The following NRXN1 variants were observed in gnomAD, a reference collection of about 807,000 sequenced individuals.
The protein encoded by NRXN1 is neurexin 1.
NRXN1 carries 39 observed loss-of-function variants against 150.9 expected under a neutral mutation model. The observed-to-expected ratio is 0.26, with a 90% CI of 0.20 to 0.34. The LOEUF (loss-of-function observed/expected upper bound fraction) is 0.34. NRXN1 is among the 10% of genes least tolerant of loss of function. The probability of loss-of-function intolerance (pLI) is 1.00; values close to 1 mark genes in which losing one functional copy is unlikely to be tolerated. For synonymous variants in NRXN1, 924 were observed against 757.0 expected (o/e 1.22, Z -3.62); for missense variants, 1,815 against 1,949.9 (o/e 0.93, Z 1.30).
chr2:50,287,634 A>T (rs1435325620), intron 17 of NRXN1, among the ~76,000 whole-genome samples: 1 of 152,122 alleles, frequency 6.6e-6, no homozygotes, highest in African/African-American at 2.4e-5. Context: ...TGCAGTCTTC[A>T]TTAGGGTACA....
chr2:50,229,388 C>T (rs1447405557), intron 18 of NRXN1, among the ~76,000 whole-genome samples: 1 of 151,750 alleles, frequency 6.6e-6, no homozygotes, highest in African/African-American at 2.4e-5. Flanking sequence ...GACCCATATT[C>T]AGTATGTATT....
chr2:50,535,106 T>C (rs764417595), intron 10 of NRXN1, among the ~76,000 whole-genome samples: 1 of 152,206 alleles, frequency 6.6e-6, no homozygotes, highest in Non-Finnish European at 1.5e-5. Flanking sequence ...TAATGTTTAA[T>C]TAGACAAGAA....
intron 5 of NRXN1, among the ~76,000 whole-genome samples, chr2:50,815,696 G>A (rs1668831396): frequency 6.6e-6 from 1 of 152,110 alleles, no homozygotes; most frequent in African/African-American, 2.4e-5. Context: ...ATGTATATGT[G>A]TGTATTTTAA....
chr2:50,264,687 T>A (rs564491), intron 17 of NRXN1, among the ~76,000 whole-genome samples: 1 of 151,880 alleles, frequency 6.6e-6, no homozygotes, highest in East Asian at 1.9e-4. Context: ...TCCCCCAGAA[T>A]ATTATAACAC....
At chr2:50,618,871 T>C (rs1280884719) in intron 8 of NRXN1, among the ~76,000 whole-genome samples, 1 of 151,996 alleles carries the variant, frequency 6.6e-6, no homozygotes, top group East Asian at 1.9e-4. Flanking sequence ...TAAAAGTTAC[T>C]TTCTGAAAGG....
intron 5 of NRXN1, among the ~76,000 whole-genome samples, chr2:50,814,623 A>T (rs1182048304): frequency 1.3e-5 from 2 of 152,086 alleles, no homozygotes; most frequent in Non-Finnish European, 2.9e-5. Flanking sequence ...AAATCAACAC[A>T]CTAATTGGAT....
At chr2:50,053,913 T>C (rs1184148188) in intron 20 of NRXN1, among the ~76,000 whole-genome samples, 1 of 152,198 alleles carries the variant, frequency 6.6e-6, no homozygotes, top group Non-Finnish European at 1.5e-5. Context: ...AAAGTCTAAA[T>C]TGTTAAATTT....
chr2:50,745,209 A>G lies in NRXN1; in HGVS notation c.833-121594T>C, dbSNP rs184602191. ...ATAATAGTATCTACATGAAATGACT[A>G]TAGCTAGAATTAAATAAGGCCAGGG... is the stretch of plus-strand genomic sequence containing the variant. On this transcript the variant is annotated intron_variant, in intron 5 of 22. Coordinates refer to ENST00000401669, the MANE Select transcript of NRXN1 (RefSeq NM_001330078.2). 1.9e-3 allele frequency among the ~76,000 whole-genome samples: 292 copies of G among 152,138 alleles called. 1 individual carries two copies. The highest frequency in any genetic ancestry group is 6.8e-3 in the African/African-American group (284 of 41,524).
intron 17 of NRXN1, among the ~76,000 whole-genome samples, chr2:50,374,158 G>C (rs1158572452): frequency 1.3e-5 from 2 of 151,772 alleles, no homozygotes; most frequent in African/African-American, 4.8e-5. Context: ...ATAGCCGGCT[G>C]TAGTGGGGGC....
intron 21 of NRXN1, among the ~76,000 whole-genome samples, chr2:49,982,455 C>A (rs1456815724): frequency 2.1e-5 from 3 of 145,984 alleles, no homozygotes; most frequent in Non-Finnish European, 4.6e-5. Context: ...AATTACATGA[C>A]CACAAAAAAG....
chr2:50,464,721 T>C (rs1210691110), intron 17 of NRXN1, among the ~76,000 whole-genome samples: 3 of 151,946 alleles, frequency 2.0e-5, no homozygotes, highest in Admixed American at 1.3e-4. Flanking sequence ...ATGAAATTCT[T>C]TTATCATTTT....
intron 1 of NRXN1, among the ~76,000 whole-genome samples, chr2:51,031,695 T>C (rs997847872): frequency 6.6e-6 from 1 of 152,128 alleles, no homozygotes; most frequent in East Asian, 1.9e-4. Flanking sequence ...TATGGAGAGA[T>C]ATTTTATTGC....
At chr2:50,996,608 A>T (rs1312304169) in intron 2 of NRXN1, among the ~76,000 whole-genome samples, 1 of 151,994 alleles carries the variant, frequency 6.6e-6, no homozygotes, top group Non-Finnish European at 1.5e-5. Context: ...GCCCTTCACC[A>T]AGTCAATACC....
intron 5 of NRXN1, among the ~76,000 whole-genome samples, chr2:50,915,843 C>T (rs1685143473): frequency 6.6e-6 from 1 of 150,432 alleles, no homozygotes; most frequent in African/African-American, 2.4e-5. Flanking sequence ...GTAACATTAG[C>T]CTCAGTAATT....
At chr2:50,656,455 CT>C (rs1686479404) in intron 5 of NRXN1, 1 of 752,556 alleles carries the variant, frequency 1.3e-6, no homozygotes, top group African/African-American at 1.7e-5. Flanking sequence ...TTTCTAGATT[CT>C]TTTCAGTTTT....
chr2:49,995,268 G>C (rs2152525278), intron 21 of NRXN1, among the ~76,000 whole-genome samples: 1 of 152,212 alleles, frequency 6.6e-6, no homozygotes, highest in Admixed American at 6.5e-5. Flanking sequence ...TAATTGAAAT[G>C]AATGTTTTAT....
intron 18 of NRXN1, among the ~76,000 whole-genome samples, chr2:50,177,934 G>A (rs1410743043): frequency 6.6e-6 from 1 of 151,850 alleles, no homozygotes; most frequent in Non-Finnish European, 1.5e-5. Flanking sequence ...GAAAGAGAGT[G>A]ACAACCTCAA....
intron 18 of NRXN1, among the ~76,000 whole-genome samples, chr2:50,136,508 T>C (rs926065429): frequency 6.6e-6 from 1 of 152,208 alleles, no homozygotes; most frequent in Non-Finnish European, 1.5e-5. Context: ...GCTTGTAATA[T>C]CTCAAACAAC....
intron 2 of NRXN1, among the ~76,000 whole-genome samples, chr2:50,958,272 G>A (rs1420047832): frequency 6.6e-6 from 1 of 152,034 alleles, no homozygotes; most frequent in Non-Finnish European, 1.5e-5. Context: ...ACATTAATAA[G>A]CTTTCTGTGT....
Sources: allele counts gnomAD v4.1 joint callset (sites outside exome capture counted in the v4.1 genomes callset), GRCh38; gene constraint gnomAD v4.1.1; transcripts MANE v1.5; gene names NCBI Gene and HGNC (gene_info 2026-07-23, HGNC 2026-07-21).